The following ZNF536 variants were observed in gnomAD, a reference collection of about 807,000 sequenced individuals.
The protein encoded by ZNF536 is zinc finger protein 536.
A neutral mutation model predicts 84.5 loss-of-function variants in ZNF536; 13 were observed. The observed-to-expected ratio is 0.15, with a 90% CI of 0.10 to 0.24. The LOEUF is 0.24. Among genes scored for constraint, ZNF536 ranks in the 10% least tolerant of loss-of-function variants. The pLI is 1.00. For synonymous variants in ZNF536, 811 were observed against 742.5 expected, an observed-to-expected ratio of 1.09 and a Z score of -1.50; for missense variants, 1,536 against 1,747.5, an observed-to-expected ratio of 0.88 and a Z score of 2.16.
chr19:30,531,743 G>T (rs1274256683), intron 2 of ZNF536, among the ~76,000 whole-genome samples: 1 of 152,056 alleles, frequency 6.6e-6, no homozygotes, highest in East Asian at 1.9e-4. Context: ...TTGTGCCTCA[G>T]CCTCCCCGGT....
chr19:30,617,552 G>GTGTT (rs1179188407), intron 1 of ZNF536, among the ~76,000 whole-genome samples: 1 of 151,180 alleles, frequency 6.6e-6, no homozygotes, highest in Non-Finnish European at 1.5e-5. Flanking sequence ...GGGTTTCACT[G>GTGTT]TGTTAGTCAG....
intron 1 of ZNF536, among the ~76,000 whole-genome samples, chr19:30,262,848 T>C (rs897106291): frequency 1.3e-5 from 2 of 152,214 alleles, no homozygotes; most frequent in East Asian, 1.9e-4. Flanking sequence ...TTTGGGACTT[T>C]CTGAGGACGC....
intron 2 of ZNF536, among the ~76,000 whole-genome samples, chr19:30,505,920 C>T (rs1183485115): frequency 2.0e-5 from 3 of 152,126 alleles, no homozygotes; most frequent in Non-Finnish European, 2.9e-5. Context: ...CCCTCCTCAA[C>T]CTCCCAAAGT....
rs79000509 is a variant in ZNF536, at chr19:30,334,695, A to G, written c.-119-17673A>G. Among the ~76,000 whole-genome samples, 74 of 152,308 alleles carry G rather than the reference A, an allele frequency of 4.9e-4. No homozygotes were observed. The East Asian group carries it at 0.011, about 23-fold the overall frequency. On this transcript the variant is annotated intron_variant, in intron 2 of 5. Coordinates refer to the ZNF536 transcript ENST00000585628. ...GATCATGGAGATGTTATTCATGATG[A>G]AAATTCTATGGCCTCAGCTCAATGC...
chr19:30,426,980 C>T (rs966085551), intron 1 of ZNF536, among the ~76,000 whole-genome samples: 2 of 150,356 alleles, frequency 1.3e-5, no homozygotes, highest in African/African-American at 4.9e-5. Flanking sequence ...TCCATCCATC[C>T]ATGTATCCAT....
At chr19:30,469,051 A>G (rs1159063198) in intron 2 of ZNF536, among the ~76,000 whole-genome samples, 1 of 151,898 alleles carries the variant, frequency 6.6e-6, no homozygotes, top group Non-Finnish European at 1.5e-5. Flanking sequence ...CTGCAGACCC[A>G]CTCCCTGCAG....
chr19:30,566,356 C>A (rs1410603628), intron 1 of ZNF536, among the ~76,000 whole-genome samples: 1 of 152,236 alleles, frequency 6.6e-6, no homozygotes. Flanking sequence ...CCTCCGAACT[C>A]ACCCACTAAC....
chr19:30,628,129 C>T (rs1016417704), intron 1 of ZNF536, among the ~76,000 whole-genome samples: 1 of 152,230 alleles, frequency 6.6e-6, no homozygotes, highest in African/African-American at 2.4e-5. Context: ...ATCATCTCCC[C>T]TCCAGCACCC....
At chr19:30,530,922 C>T (rs532760756) in intron 2 of ZNF536, among the ~76,000 whole-genome samples, 34 of 152,212 alleles carry the variant, frequency 2.2e-4, no homozygotes, top group East Asian at 7.7e-4. Context: ...TCCTCACCAG[C>T]ACCCATCCTG....
intron 2 of ZNF536, among the ~76,000 whole-genome samples, chr19:30,286,215 A>C (rs2045620048): frequency 1.3e-5 from 2 of 152,332 alleles, no homozygotes; most frequent in South Asian, 4.1e-4. Flanking sequence ...GTGTCAACCA[A>C]GGATGACATT....
At chr19:30,575,280 G>A (rs542156253) in intron 1 of ZNF536, among the ~76,000 whole-genome samples, 4 of 152,242 alleles carry the variant, frequency 2.6e-5, no homozygotes, top group South Asian at 2.1e-4. Flanking sequence ...GCTATGCCCC[G>A]CCGGGCACTT....
At chr19:30,596,939 T>C (rs969322708) in intron 1 of ZNF536, among the ~76,000 whole-genome samples, 2 of 152,194 alleles carry the variant, frequency 1.3e-5, no homozygotes, top group African/African-American at 4.8e-5. Context: ...TCTGACCTTT[T>C]CGGGGAGCCC....
intron 3 of ZNF536, among the ~76,000 whole-genome samples, chr19:30,360,065 G>T (rs1002824548): frequency 2.0e-5 from 3 of 152,208 alleles, no homozygotes; most frequent in African/African-American, 7.2e-5. Context: ...AGAGTCTGCG[G>T]GTCAGAGAGG....
chr19:30,381,606 G>A (rs2049025145), intron 1 of ZNF536, among the ~76,000 whole-genome samples: 1 of 152,198 alleles, frequency 6.6e-6, no homozygotes, highest in Non-Finnish European at 1.5e-5. Flanking sequence ...GACCAGGGAG[G>A]TGAGATGGGA....
At chr19:30,356,854 G>A (rs954622866) in intron 3 of ZNF536, among the ~76,000 whole-genome samples, 1 of 152,212 alleles carries the variant, frequency 6.6e-6, no homozygotes, top group African/African-American at 2.4e-5. Flanking sequence ...TGAGGCCAGA[G>A]AAGTGGCCTG....
chr19:30,681,322 G>A (rs1436468439), intron 1 of ZNF536, among the ~76,000 whole-genome samples: 1 of 152,202 alleles, frequency 6.6e-6, no homozygotes, highest in African/African-American at 2.4e-5. Flanking sequence ...TGCTGAGGAG[G>A]TGTGCTAAGT....
intron 2 of ZNF536, among the ~76,000 whole-genome samples, chr19:30,343,757 A>G (rs903603285): frequency 1.3e-5 from 2 of 152,140 alleles, no homozygotes; most frequent in African/African-American, 4.8e-5. Context: ...GATGCGAAAC[A>G]CTAGGAGATG....
At chr19:30,653,604 G>A (rs796074234) in intron 1 of ZNF536, among the ~76,000 whole-genome samples, 24 of 152,246 alleles carry the variant, frequency 1.6e-4, no homozygotes, top group African/African-American at 5.8e-4. Flanking sequence ...AAGAGAGGTG[G>A]GATCCGCTCC....
chr19:30,675,588 C>G (rs2050724945), intron 1 of ZNF536, among the ~76,000 whole-genome samples: 1 of 152,164 alleles, frequency 6.6e-6, no homozygotes. Context: ...GGAGAAGGAG[C>G]TGGGAAGGCT....
Sources: allele counts gnomAD v4.1 joint callset (sites outside exome capture counted in the v4.1 genomes callset), GRCh38; gene constraint gnomAD v4.1.1; transcripts MANE v1.5; gene names NCBI Gene and HGNC (gene_info 2026-07-23, HGNC 2026-07-21).